PDZD4: variants seen among roughly 807,000 people sequenced by gnomAD.
PDZD4 encodes PDZ domain-containing protein 4.
Under a neutral mutation model 38.5 loss-of-function variants are expected in PDZD4, and 9 were observed. That is an observed-to-expected ratio of 0.23 (90% CI 0.14 to 0.41). The LOEUF is 0.41. PDZD4 is among the 10% of genes least tolerant of loss of function. The pLI is 1.00. For missense variants in PDZD4, 612 were observed against 722.0 expected (o/e 0.85, Z 1.75); for synonymous variants, 349 against 315.7 (o/e 1.11, Z -1.12).
At chrX:153,810,716 A>T (rs4898449) in intron 1 of PDZD4, among the ~76,000 whole-genome samples, 10,240 of 112,080 alleles carry the variant, frequency 0.091, 393 homozygotes, top group East Asian at 0.18. Flanking sequence ...AGTGCCCGCG[A>T]TACAGTAGAA....
At chrX:153,807,195 G>T in intron 3 of PDZD4, 84 bp downstream of exon 3, 10 of 992,903 alleles carry the variant, frequency 1.0e-5, no homozygotes, top group Non-Finnish European at 1.4e-5. Flanking sequence ...AGGGCCACGG[G>T]GTTGGGCCTG....
chrX:153,812,541 C>A (rs1791724910), intron 1 of PDZD4, among the ~76,000 whole-genome samples: 2 of 111,005 alleles, frequency 1.8e-5, no homozygotes, highest in Admixed American at 1.9e-4. Flanking sequence ...CAGCAGCAAC[C>A]AGAGTGATCG....
chrX:153,808,481 C>T lies in PDZD4; in HGVS notation c.175G>A (p.Asp59Asn), dbSNP rs782017871. The T allele has an allele frequency of 1.7e-6, 2 of 1,210,883 alleles. No individual in the cohort carries two copies. The highest frequency in any genetic ancestry group is 1.8e-5 in the South Asian group (1 of 56,927). Residue 59 changes from aspartate (D) to asparagine (N), a missense_variant, in exon 2 of 8, where the codon GAC becomes AAC. Asp to Asn is a conservative substitution (Grantham distance 23). Transcript: ENST00000393758. The stretch of plus-strand genomic sequence containing the variant: ...AGCTGCAGGTCGTGACAGGAGCTGT[C>T]CCCCCGGAGGCGGGGGCTGCGTCTC... Reference protein sequence around the residue: ...VLRRSPRLRGDSSCHDLQLVD... With the variant: ...VLRRSPRLRGNSSCHDLQLVD...
At chrX:153,807,433 C>A in intron 2 of PDZD4, 64 bp from the exon 3 acceptor site, 1 of 1,070,409 alleles carries the variant, frequency 9.3e-7, no homozygotes, top group Admixed American at 2.6e-5. Context: ...CCCCAGCTCC[C>A]AGGCAGGCCG....
In PDZD4 at chrX:153,805,217, C is replaced by T. The variant is rs1557076513; in HGVS notation, c.670-10G>A. Reference sequence around the variant, plus strand: ...TCCACCTTTTCGCCAGCTGTGGAGACAGGCCCTGGTGTCCCCACAGCTTCA... The same window carrying T: ...TCCACCTTTTCGCCAGCTGTGGAGATAGGCCCTGGTGTCCCCACAGCTTCA... On this transcript the variant is annotated splice_polypyrimidine_tract_variant and intron_variant, in intron 6 of 7. Transcript: ENST00000393758. 1 of 1,190,030 alleles carries T rather than the reference C, an allele frequency of 8.4e-7. No individual in the cohort carries two copies. The highest frequency in any genetic ancestry group is 2.2e-5 in the Admixed American group (1 of 46,046).
At chrX:153,824,713 CT>C in intron 1 of PDZD4, among the ~76,000 whole-genome samples, 1 of 111,991 alleles carries the variant, frequency 8.9e-6, no homozygotes, top group Non-Finnish European at 1.9e-5. Context: ...AAAGGGGAGC[CT>C]GGGGCCAGGC....
chrX:153,820,769 G>A (rs1024026762), intron 1 of PDZD4, among the ~76,000 whole-genome samples: 3 of 111,782 alleles, frequency 2.7e-5, no homozygotes, highest in African/African-American at 9.7e-5. Flanking sequence ...CCTTGCAGGA[G>A]ATGCTGTATG....
rs1569543175 is a variant in PDZD4, at chrX:153,803,666, GCGT to G, written c.2012_2014del (p.Asp671del). 1 of 1,210,208 alleles carries G rather than the reference GCGT, an allele frequency of 8.3e-7. No homozygotes were observed. The highest frequency in any genetic ancestry group is 1.1e-6 in the Non-Finnish European group (1 of 895,551). On this transcript the variant is annotated inframe_deletion, in exon 8 of 8. Transcript: ENST00000393758. ...GCGGCCCATCTTCATCTCGCTCACC[GCGT>G]CGTCGTCGGTCGTCATACCGCTGCG...
Position 153,830,353 on chromosome X carries a change from G to T in PDZD4, c.-55C>A. 3 of 1,129,000 alleles carry T rather than the reference G, an allele frequency of 2.7e-6. No individual in the cohort carries two copies. Among genetic ancestry groups the T allele is most frequent in the Non-Finnish European group, 3.6e-6 (3 of 829,729 alleles). 93.0% of individuals were successfully genotyped at this position (1,129,000 alleles called of 1,213,427 possible). A position where few individuals can be genotyped will look rare whatever the true frequency, so the allele number is the denominator to read the frequency against. ...CGGGAACGGGAAGACGCCTTTCACT[G>T]ACCCGGGCGCGGGACCTCGGGTCCC... is the stretch of plus-strand genomic sequence containing the variant. On this transcript the variant is annotated 5_prime_UTR_variant, in exon 1 of 8. Transcript: ENST00000393758.
intron 1 of PDZD4, among the ~76,000 whole-genome samples, chrX:153,814,972 G>A (rs781918071): frequency 1.8e-5 from 2 of 112,362 alleles, no homozygotes; most frequent in South Asian, 3.6e-4. Flanking sequence ...TCAAATAATC[G>A]AAGTGCTCAG....
chrX:153,830,100 G>T, intron 1 of PDZD4, 139 bp downstream of exon 1: 1 of 609,051 alleles, frequency 1.6e-6, no homozygotes. Flanking sequence ...ACAGCCCCAG[G>T]ATGGGAGGGT....
At position 153,808,466 on chromosome X, in the gene PDZD4, C is replaced by T. The variant is rs782409938; in HGVS notation, c.190G>A (p.Asp64Asn). 8 of 1,210,415 alleles carry T rather than the reference C, an allele frequency of 6.6e-6. No homozygotes were observed. The highest frequency in any genetic ancestry group is 1.7e-5 in the African/African-American group (1 of 57,589). ...PRLRGDSSCH[D>N]LQLVDSGTQT... ...GTGCCACTGTCCACCAGCTGCAGGTCGTGACAGGAGCTGTCCCCCCGGAGG... is the reference window on the plus strand; with the variant it reads ...GTGCCACTGTCCACCAGCTGCAGGTTGTGACAGGAGCTGTCCCCCCGGAGG... The change falls in exon 2 of 8, where the codon GAC (aspartate) becomes AAC (asparagine). Residue 64 changes from aspartate to asparagine, a missense_variant. Coordinates refer to ENST00000393758, the MANE Select transcript of PDZD4 (RefSeq NM_001303512.2).
rs1557075680 is a variant in PDZD4, at chrX:153,803,990, C to A, written c.1691G>T (p.Arg564Leu). ...GTAAGGGCTGCTTTCAGGGCCCACA[C>A]GCTCCAGGGTCAACCCCGTCTTGGG... Reference protein sequence around the residue: ...RNPKTGLTLERVGPESSPYLS... With the variant: ...RNPKTGLTLELVGPESSPYLS... Residue 564 changes from arginine (R) to leucine (L), a missense_variant, in exon 8 of 8, where the codon CGT becomes CTT. By Grantham distance (102) the Arg-to-Leu change is moderately radical (BLOSUM62 -2). This residue lies in a region of PDZD4 where 300 missense variants were observed against 284.6 expected (regional missense o/e 1.05). Coordinates refer to ENST00000393758, the MANE Select transcript of PDZD4 (RefSeq NM_001303512.2). The A allele has an allele frequency of 3.5e-6, 4 of 1,158,971 alleles. No individual in the cohort carries two copies. The highest frequency in any genetic ancestry group is 4.6e-6 in the Non-Finnish European group (4 of 870,492).
chrX:153,822,201 AAAAAAC>A (rs1557081497), intron 1 of PDZD4, among the ~76,000 whole-genome samples: 1 of 103,228 alleles, frequency 9.7e-6, no homozygotes, highest in South Asian at 5.3e-4. Flanking sequence ...AAAAAAAAAA[AAAAAAC>A]ACACAGGAAA....
At chrX:153,813,642 A>T (rs1300412842) in intron 1 of PDZD4, among the ~76,000 whole-genome samples, 1 of 112,496 alleles carries the variant, frequency 8.9e-6, no homozygotes, top group Non-Finnish European at 1.9e-5. Context: ...ATGGGTGGGC[A>T]CAGGCGGCTT....
intron 1 of PDZD4, among the ~76,000 whole-genome samples, chrX:153,824,155 G>T (rs1557081976): frequency 1.8e-5 from 2 of 111,492 alleles, no homozygotes; most frequent in African/African-American, 3.3e-5. Context: ...GCCCATCCCT[G>T]CAACCACGAA....
At chrX:153,809,973 G>C (rs1317012163) in intron 1 of PDZD4, among the ~76,000 whole-genome samples, 1 of 112,980 alleles carries the variant, frequency 8.9e-6, no homozygotes, top group Non-Finnish European at 1.9e-5. Flanking sequence ...AAGGTCGAAG[G>C]CTGCTTCCGC....
chrX:153,825,108 G>C (rs782477363), intron 1 of PDZD4, among the ~76,000 whole-genome samples: 27 of 112,876 alleles, frequency 2.4e-4, no homozygotes, highest in African/African-American at 5.8e-4. Flanking sequence ...CCAGCACCAT[G>C]GGGGCTCACA....
chrX:153,808,259 G>A (rs2064273863), intron 2 of PDZD4, 83 bp downstream of exon 2: 4 of 1,110,410 alleles, frequency 3.6e-6, no homozygotes, highest in South Asian at 4.4e-5. Flanking sequence ...CTTCCTGCCC[G>A]AGAGGGTGGC....
Sources: gnomAD v4.1 joint callset for allele counts (sites outside exome capture counted in the v4.1 genomes callset) on GRCh38, gnomAD v4.1.1 for gene constraint, gnomAD v4.1.1 regional missense constraint, MANE v1.5 for transcripts, NCBI Gene and HGNC (gene_info 2026-07-23, HGNC 2026-07-21) for gene names.